BABAM2: variants seen among roughly 807,000 people sequenced by gnomAD.
BABAM2 encodes the protein BRISC and BRCA1 A complex member 2.
Under a neutral mutation model 54.7 loss-of-function variants are expected in BABAM2, and 31 were observed. The observed-to-expected ratio is 0.57, with a 90% confidence interval of 0.43 to 0.77. The LOEUF (loss-of-function observed/expected upper bound fraction) is 0.77. Ranked by LOEUF, BABAM2 falls within the 30% of genes least tolerant of loss-of-function variation. BABAM2 has a pLI of 0.00. For synonymous variants in BABAM2, 167 were observed against 162.9 expected (o/e 1.03, Z -0.19); for missense variants, 364 against 455.8 (o/e 0.80, Z 1.83).
intron 7 of BABAM2, among the ~76,000 whole-genome samples, chr2:28,169,738 T>C (rs1196826481): frequency 6.8e-6 from 1 of 147,204 alleles, no homozygotes; most frequent in African/African-American, 2.5e-5. Flanking sequence ...ATTGTACCAA[T>C]GTACACCAGC....
chr2:28,029,532 C>T (rs1009109732), intron 5 of BABAM2, among the ~76,000 whole-genome samples: 11 of 152,092 alleles, frequency 7.2e-5, no homozygotes, highest in Non-Finnish European at 1.3e-4. Flanking sequence ...GATAGGATTT[C>T]CTTCCTTTTT....
At chr2:28,007,781 A>G (rs1034116066) in intron 4 of BABAM2, among the ~76,000 whole-genome samples, 2 of 152,116 alleles carry the variant, frequency 1.3e-5, no homozygotes, top group Admixed American at 1.3e-4. Flanking sequence ...TGCTTTTAAG[A>G]TACTGTTTTT....
intron 6 of BABAM2, among the ~76,000 whole-genome samples, chr2:28,063,778 C>CT (rs915261286): frequency 3.3e-5 from 5 of 152,154 alleles, no homozygotes; most frequent in Admixed American, 2.6e-4. Context: ...CAATAAGTAA[C>CT]TTTTTTTTAT....
intron 6 of BABAM2, among the ~76,000 whole-genome samples, chr2:28,105,095 G>A (rs1380110029): frequency 8.5e-5 from 13 of 152,074 alleles, no homozygotes. Context: ...TGTAAATGAC[G>A]AGTTAATGGG....
intron 3 of BABAM2, among the ~76,000 whole-genome samples, chr2:27,947,820 T>C (rs1339212655): frequency 6.6e-6 from 1 of 152,210 alleles, no homozygotes; most frequent in East Asian, 1.9e-4. Context: ...GACATCCACA[T>C]ATTCTAGTAT....
At chr2:28,300,373 G>GAC (rs1403087149) in intron 11 of BABAM2, among the ~76,000 whole-genome samples, 1 of 151,986 alleles carries the variant, frequency 6.6e-6, no homozygotes, top group East Asian at 1.9e-4. Context: ...TTTTATCCGT[G>GAC]ACACCCAAGT....
chr2:28,045,517 T>C (rs1213608540), intron 5 of BABAM2, among the ~76,000 whole-genome samples: 1 of 152,236 alleles, frequency 6.6e-6, no homozygotes, highest in Non-Finnish European at 1.5e-5. Context: ...TTTTAAAAAC[T>C]CAAATTGTGC....
chr2:28,005,832 C>T lies in BABAM2; in HGVS notation c.300+17745C>T, dbSNP rs186060156. On this transcript the variant is annotated intron_variant, in intron 4 of 11. Coordinates refer to ENST00000379624, the MANE Select transcript of BABAM2 (RefSeq NM_199191.3). ...ATCTTGTTTCATCTATACTCCTATT[C>T]ACTTACTGCCTAGTAGCATTGTAGT... 1.7e-3 allele frequency among the ~76,000 whole-genome samples: 264 copies of T among 152,194 alleles called. 5 individuals are homozygous for T. Among genetic ancestry groups the T allele is most frequent in the Non-Finnish European group, 1.0e-3 (70 of 67,952 alleles).
chr2:28,338,582 T>G lies in BABAM2; in HGVS notation c.*69T>G. ...CATGCGTGTCAGCACATACAGCCGC[T>G]TCCTGGAAGCCGCCTGGAATGTCTT... On this transcript the variant is annotated 3_prime_UTR_variant, in exon 12 of 12. Transcript: ENST00000379624. 6.4e-7 allele frequency: 1 copy of G among 1,563,214 alleles called. No homozygotes were observed. Among genetic ancestry groups the G allele is most frequent in the Non-Finnish European group, 8.8e-7 (1 of 1,135,210 alleles).
chr2:28,124,511 C>T (rs1309397720), intron 6 of BABAM2, among the ~76,000 whole-genome samples: 9 of 152,092 alleles, frequency 5.9e-5, no homozygotes, highest in Non-Finnish European at 1.3e-4. Flanking sequence ...ATTAACAAGG[C>T]CAGGAGCAGG....
intron 1 of BABAM2, among the ~76,000 whole-genome samples, chr2:27,893,571 T>C (rs1255426015): frequency 6.6e-6 from 1 of 152,222 alleles, no homozygotes; most frequent in African/African-American, 2.4e-5. Flanking sequence ...TAAAAAATGT[T>C]TATTGAGTGT....
chr2:28,053,667 T>C (rs1319286898), intron 6 of BABAM2, among the ~76,000 whole-genome samples: 1 of 152,200 alleles, frequency 6.6e-6, no homozygotes, highest in African/African-American at 2.4e-5. Flanking sequence ...CAGTACCTCG[T>C]CCTTGTTCCA....
At chr2:28,052,316 C>T (rs1368396985) in intron 6 of BABAM2, among the ~76,000 whole-genome samples, 2 of 142,316 alleles carry the variant, frequency 1.4e-5, no homozygotes, top group African/African-American at 5.2e-5. Flanking sequence ...TAGACAGAGT[C>T]TTGCTCTGTC....
intron 11 of BABAM2, among the ~76,000 whole-genome samples, chr2:28,300,011 T>A (rs1349334198): frequency 1.3e-5 from 2 of 152,330 alleles, no homozygotes; most frequent in East Asian, 3.9e-4. Flanking sequence ...CAATCTCGGC[T>A]CACTGCAACC....
chr2:28,131,895 ATATATTAGT>A (rs1324532154), intron 7 of BABAM2, among the ~76,000 whole-genome samples: 1 of 152,166 alleles, frequency 6.6e-6, no homozygotes, highest in African/African-American at 2.4e-5. Flanking sequence ...GGCAATATGA[ATATATTAGT>A]TAAGCTGCAG....
intron 10 of BABAM2, among the ~76,000 whole-genome samples, chr2:28,295,799 G>A (rs544851278): frequency 6.6e-6 from 1 of 150,668 alleles, no homozygotes; most frequent in Admixed American, 6.6e-5. Flanking sequence ...GCCCAGCCAC[G>A]AATAGGCCTT....
At chr2:27,915,476 C>T (rs1028274520) in intron 2 of BABAM2, among the ~76,000 whole-genome samples, 1 of 151,780 alleles carries the variant, frequency 6.6e-6, no homozygotes, top group Non-Finnish European at 1.5e-5. Context: ...ATTTAACTTG[C>T]ACAAGGCTTT....
At chr2:28,260,315 T>C (rs1217312858) in intron 10 of BABAM2, among the ~76,000 whole-genome samples, 1 of 148,670 alleles carries the variant, frequency 6.7e-6, no homozygotes, top group African/African-American at 2.5e-5. Flanking sequence ...TTTTTTTTTT[T>C]TTTTGACATG....
chr2:28,179,428 G>A (rs753979782), intron 7 of BABAM2, among the ~76,000 whole-genome samples: 2 of 152,070 alleles, frequency 1.3e-5, no homozygotes, highest in African/African-American at 4.8e-5. Flanking sequence ...GATAAAACTC[G>A]ACGTTCCTTG....
Sources: gnomAD v4.1 joint callset for allele counts (sites outside exome capture counted in the v4.1 genomes callset) on GRCh38, gnomAD v4.1.1 for gene constraint, MANE v1.5 for transcripts, NCBI Gene and HGNC (gene_info 2026-07-23, HGNC 2026-07-21) for gene names.